The following MAP7 variants were observed in gnomAD, a reference collection of about 807,000 sequenced individuals.
MAP7 encodes ensconsin.
In MAP7, 52 loss-of-function variants were observed where a neutral mutation model predicts 94.8. The observed-to-expected ratio is 0.55, with a 90% CI of 0.44 to 0.69. The LOEUF (loss-of-function observed/expected upper bound fraction) is 0.69, where lower values mean the gene tolerates loss of function less well. MAP7 is among the 30% of genes least tolerant of loss of function. The pLI, the probability that MAP7 is intolerant of heterozygous loss-of-function variation, is 0.00. For missense variants in MAP7, 940 were observed against 964.6 expected, an observed-to-expected ratio of 0.97 and a Z score of 0.34; for synonymous variants, 350 against 357.0, an observed-to-expected ratio of 0.98 and a Z score of 0.22.
intron 3 of MAP7, among the ~76,000 whole-genome samples, chr6:136,404,947 A>T (rs1785151865): frequency 1.3e-5 from 2 of 152,260 alleles, no homozygotes; most frequent in South Asian, 4.1e-4. Flanking sequence ...TCCATAGATA[A>T]TAGGATAGAT....
intron 3 of MAP7, among the ~76,000 whole-genome samples, chr6:136,401,094 A>G (rs946259542): frequency 6.6e-6 from 1 of 152,164 alleles, no homozygotes; most frequent in Admixed American, 6.5e-5. Context: ...CACACCTGTA[A>G]TCCTAACACT....
chr6:136,507,475 CAAA>C (rs10711278), intron 1 of MAP7, among the ~76,000 whole-genome samples: 1 of 87,252 alleles, frequency 1.1e-5, no homozygotes, highest in Non-Finnish European at 2.7e-5. Context: ...AGAAGATTCT[CAAA>C]AAAAAAAAAA....
chr6:136,444,799 T>C (rs1407382227), intron 1 of MAP7, among the ~76,000 whole-genome samples: 1 of 152,224 alleles, frequency 6.6e-6, no homozygotes, highest in Admixed American at 6.5e-5. Flanking sequence ...TGGTATTCCA[T>C]AGGTGCTTCA....
chr6:136,377,152 G>A (rs964333997), intron 7 of MAP7, among the ~76,000 whole-genome samples: 2 of 152,150 alleles, frequency 1.3e-5, no homozygotes, highest in Non-Finnish European at 2.9e-5. Flanking sequence ...TTTCAAAAAA[G>A]TAGGAGTTAT....
chr6:136,494,124 T>C (rs1262228720), intron 1 of MAP7, among the ~76,000 whole-genome samples: 2 of 152,242 alleles, frequency 1.3e-5, no homozygotes, highest in East Asian at 1.9e-4. Context: ...ATCAGTATCA[T>C]TGCAACGAAT....
chr6:136,424,074 A>G (rs1168065799), intron 1 of MAP7, among the ~76,000 whole-genome samples: 2 of 152,158 alleles, frequency 1.3e-5, no homozygotes, highest in African/African-American at 4.8e-5. Flanking sequence ...CTGGGATTAC[A>G]GGTGTGAGCC....
intron 7 of MAP7, among the ~76,000 whole-genome samples, chr6:136,375,498 T>C (rs1310406796): frequency 2.0e-5 from 3 of 152,162 alleles, no homozygotes; most frequent in Non-Finnish European, 2.9e-5. Flanking sequence ...CAATTAGGAA[T>C]ATGATGAGGT....
At chr6:136,521,437 GA>G (rs1235890278) in intron 1 of MAP7, among the ~76,000 whole-genome samples, 2 of 152,114 alleles carry the variant, frequency 1.3e-5, no homozygotes, top group Non-Finnish European at 2.9e-5. Flanking sequence ...TTTTGAGGGA[GA>G]TGATAATTTT....
At chr6:136,463,482 A>G (rs531131841) in intron 1 of MAP7, among the ~76,000 whole-genome samples, 3 of 152,280 alleles carry the variant, frequency 2.0e-5, no homozygotes, top group Admixed American at 6.5e-5. Context: ...TTTTCTAAAG[A>G]ATTTTTTTTT....
In MAP7 at chr6:136,343,651, G is replaced by C. The variant is rs577667969; in HGVS notation, c.*577C>G. On this transcript the variant is annotated 3_prime_UTR_variant, in exon 18 of 18. Coordinates refer to ENST00000354570, the MANE Select transcript of MAP7 (RefSeq NM_003980.6). ...TCTGCTTTTGCAAAAGGAGTTGCAA[G>C]AAAAATGTGACAGCTGGGTTTGCAG... The C allele has an allele frequency of 2.0e-5, 3 of 152,216 alleles. No individual in the cohort carries two copies. In the South Asian group the frequency reaches 6.2e-4, roughly 32 times the overall value. 9.4% of individuals were successfully genotyped at this position (152,216 alleles called of 1,614,324 possible). A position where few individuals can be genotyped will look rare whatever the true frequency, so the allele number is the denominator to read the frequency against.
intron 3 of MAP7, among the ~76,000 whole-genome samples, chr6:136,405,262 C>T (rs1002434293): frequency 2.0e-5 from 3 of 152,120 alleles, no homozygotes; most frequent in Admixed American, 2.0e-4. Context: ...GGCAGGGGGC[C>T]AACAGATAAT....
chr6:136,548,978 C>T (rs1829937457), intron 1 of MAP7, among the ~76,000 whole-genome samples: 1 of 152,192 alleles, frequency 6.6e-6, no homozygotes, highest in Non-Finnish European at 1.5e-5. Context: ...TAATGATCTA[C>T]CAATCTTGCG....
At chr6:136,364,196 G>A (rs1793632862) in intron 10 of MAP7, 1 of 524,076 alleles carries the variant, frequency 1.9e-6, no homozygotes, top group Non-Finnish European at 3.8e-6. Flanking sequence ...ATGAGGGTGA[G>A]GTGACCGTCA....
chr6:136,393,798 A>ATTTTT (rs61666828), intron 3 of MAP7, among the ~76,000 whole-genome samples: 5 of 84,442 alleles, frequency 5.9e-5, no homozygotes, highest in Non-Finnish European at 4.7e-5. Context: ...ATTCAGCAAA[A>ATTTTT]TTTTTTTTTT....
At chr6:136,372,037 C>T (rs1157135377) in intron 8 of MAP7, among the ~76,000 whole-genome samples, 1 of 152,106 alleles carries the variant, frequency 6.6e-6, no homozygotes, top group East Asian at 1.9e-4. Flanking sequence ...AGGGATTAGC[C>T]AAGCAGGATA....
chr6:136,357,580 G>A (rs995975907), intron 15 of MAP7, among the ~76,000 whole-genome samples: 12 of 151,806 alleles, frequency 7.9e-5, no homozygotes, highest in Admixed American at 2.0e-4. Flanking sequence ...CTACAGCCTC[G>A]ACCTCCTGGG....
intron 1 of MAP7, among the ~76,000 whole-genome samples, chr6:136,489,121 A>G (rs1191190603): frequency 1.3e-5 from 2 of 152,034 alleles, no homozygotes; most frequent in Non-Finnish European, 2.9e-5. Context: ...AAACACCGCA[A>G]ACCATTTCAA....
chr6:136,355,223 T>A (rs1229541798), intron 16 of MAP7, among the ~76,000 whole-genome samples: 4 of 151,276 alleles, frequency 2.6e-5, no homozygotes, highest in Admixed American at 2.0e-4. Context: ...CTGTTCCCCA[T>A]AATAATGGGA....
intron 1 of MAP7, chr6:136,545,192 T>C (rs78000276): frequency 6.6e-6 from 1 of 152,310 alleles, no homozygotes; most frequent in East Asian, 1.9e-4. Context: ...GTTGCTACTT[T>C]GAAATGAGGA....
Sources: allele counts gnomAD v4.1 joint callset (sites outside exome capture counted in the v4.1 genomes callset), GRCh38; gene constraint gnomAD v4.1.1; transcripts MANE v1.5; gene names NCBI Gene and HGNC (gene_info 2026-07-23, HGNC 2026-07-21).